Variants in CCSER1 observed in about 807,000 individuals in gnomAD.
CCSER1 encodes the protein coiled-coil serine rich protein 1, also known as serine-rich coiled-coil domain-containing protein 1.
CCSER1 carries 41 observed loss-of-function variants against 82.0 expected under a neutral mutation model. That is an observed-to-expected ratio of 0.50 (90% CI 0.39 to 0.65). The LOEUF (loss-of-function observed/expected upper bound fraction) is 0.65. CCSER1 is among the 30% of genes least tolerant of loss of function. The pLI, the probability that CCSER1 is intolerant of heterozygous loss-of-function variation, is 0.00. For missense variants in CCSER1, 1,119 were observed against 1,064.2 expected, an observed-to-expected ratio of 1.05 and a Z score of -0.72; for synonymous variants, 414 against 383.9, an observed-to-expected ratio of 1.08 and a Z score of -0.92.
intron 4 of CCSER1, among the ~76,000 whole-genome samples, chr4:90,402,213 T>C (rs1485450482): frequency 6.6e-5 from 10 of 152,200 alleles, no homozygotes; most frequent in Admixed American, 6.5e-4. Context: ...CATGATAAAA[T>C]AGGAGGAGTT....
intron 10 of CCSER1, among the ~76,000 whole-genome samples, chr4:91,450,240 G>C (rs147133225): frequency 6.6e-6 from 1 of 151,938 alleles, no homozygotes; most frequent in Non-Finnish European, 1.5e-5. Context: ...CGACGATCAT[G>C]AATTTCTTAG....
rs148181817 is a variant in CCSER1, at chr4:91,507,165, A to G, written c.2218-91407A>G. Among the ~76,000 whole-genome samples the G allele has an allele frequency of 7.1e-3, 1,079 of 152,300 alleles. 10 individuals are homozygous for G. The highest frequency in any genetic ancestry group is 0.012 in the Non-Finnish European group (787 of 68,030). On this transcript the variant is annotated intron_variant, in intron 10 of 10. Coordinates refer to ENST00000509176, the MANE Select transcript of CCSER1 (RefSeq NM_001145065.2). ...TATATGACAGTAGAAATCCATGATC[A>G]CATGGTAACTTTATATTTAACATTC...
chr4:90,310,055 G>A (rs879876180), intron 2 of CCSER1, among the ~76,000 whole-genome samples: 51 of 151,838 alleles, frequency 3.4e-4, no homozygotes, highest in Non-Finnish European at 5.6e-4. Flanking sequence ...AATTTAATAC[G>A]AATTTTATAA....
At chr4:91,267,648 C>G (rs1741707113) in intron 10 of CCSER1, among the ~76,000 whole-genome samples, 1 of 152,132 alleles carries the variant, frequency 6.6e-6, no homozygotes, top group Non-Finnish European at 1.5e-5. Context: ...TGTCAACCTT[C>G]TTTTAGATAA....
chr4:91,052,238 C>T (rs1030639416), intron 9 of CCSER1, among the ~76,000 whole-genome samples: 2 of 151,952 alleles, frequency 1.3e-5, no homozygotes, highest in Non-Finnish European at 2.9e-5. Flanking sequence ...GATTAAAACA[C>T]TTTTTCCATT....
chr4:90,640,769 C>T (rs1305366189), intron 6 of CCSER1, among the ~76,000 whole-genome samples: 1 of 152,114 alleles, frequency 6.6e-6, no homozygotes, highest in East Asian at 1.9e-4. Context: ...TGCACTTCTC[C>T]TTCCTGCCAC....
chr4:91,248,758 T>C (rs1459334813), intron 10 of CCSER1, among the ~76,000 whole-genome samples: 1 of 150,726 alleles, frequency 6.6e-6, no homozygotes, highest in Non-Finnish European at 1.5e-5. Context: ...AAAAAAGATA[T>C]CGACTTTAGT....
At chr4:90,217,900 A>G (rs1025482953) in intron 1 of CCSER1, among the ~76,000 whole-genome samples, 2 of 151,958 alleles carry the variant, frequency 1.3e-5, no homozygotes, top group African/African-American at 4.8e-5. Flanking sequence ...GGCTCAAGAG[A>G]TCCTGCCACC....
chr4:91,255,985 G>A (rs1321242853), intron 10 of CCSER1, among the ~76,000 whole-genome samples: 1 of 152,142 alleles, frequency 6.6e-6, no homozygotes, highest in South Asian at 2.1e-4. Flanking sequence ...AGGGAACAAG[G>A]GAGATAACCA....
intron 10 of CCSER1, among the ~76,000 whole-genome samples, chr4:91,199,433 A>G (rs938094456): frequency 4.6e-5 from 7 of 152,180 alleles, no homozygotes; most frequent in African/African-American, 1.4e-4. Flanking sequence ...TAATTTCAAG[A>G]AAGTGTTAAT....
chr4:90,469,980 G>A (rs554369581), intron 5 of CCSER1, among the ~76,000 whole-genome samples: 1 of 152,244 alleles, frequency 6.6e-6, no homozygotes, highest in East Asian at 1.9e-4. Flanking sequence ...TGATTGTCAA[G>A]TTAACACTCA....
At chr4:91,544,723 T>C (rs1415643229) in intron 10 of CCSER1, among the ~76,000 whole-genome samples, 2 of 152,126 alleles carry the variant, frequency 1.3e-5, no homozygotes, top group African/African-American at 4.8e-5. Context: ...CTGCCCCTAC[T>C]GGGGGGTGCC....
intron 8 of CCSER1, among the ~76,000 whole-genome samples, chr4:90,823,415 G>A (rs916235842): frequency 6.6e-6 from 1 of 151,992 alleles, no homozygotes. Flanking sequence ...TTAAGTTTGT[G>A]ATCTTAAGTC....
chr4:91,181,782 G>A (rs1221355879), intron 10 of CCSER1, among the ~76,000 whole-genome samples: 1 of 152,180 alleles, frequency 6.6e-6, no homozygotes, highest in Non-Finnish European at 1.5e-5. Flanking sequence ...CTGGGTCCAA[G>A]CCTGTTTACA....
chr4:90,146,906 T>A (rs1390176251), intron 1 of CCSER1, among the ~76,000 whole-genome samples: 1 of 152,090 alleles, frequency 6.6e-6, no homozygotes, highest in African/African-American at 2.4e-5. Flanking sequence ...TGATATTCTT[T>A]TAAAAGTAAT....
chr4:90,259,253 G>A (rs573215684), intron 1 of CCSER1, among the ~76,000 whole-genome samples: 2 of 152,112 alleles, frequency 1.3e-5, no homozygotes, highest in Admixed American at 6.5e-5. Flanking sequence ...AAGGGATTGC[G>A]TTCTTGATGT....
intron 5 of CCSER1, among the ~76,000 whole-genome samples, chr4:90,525,432 C>A (rs1413750939): frequency 6.6e-6 from 1 of 152,000 alleles, no homozygotes; most frequent in Non-Finnish European, 1.5e-5. Context: ...TTGATTTTAA[C>A]AATTCTGTAT....
chr4:91,143,871 G>T (rs776949474), intron 10 of CCSER1, among the ~76,000 whole-genome samples: 2 of 151,986 alleles, frequency 1.3e-5, no homozygotes, highest in Non-Finnish European at 2.9e-5. Flanking sequence ...GCTGGGTTTG[G>T]CTTGGCAGTA....
chr4:90,505,887 A>G (rs760190379), intron 5 of CCSER1, among the ~76,000 whole-genome samples: 2 of 152,160 alleles, frequency 1.3e-5, no homozygotes, highest in African/African-American at 2.4e-5. Context: ...ATCCTGCTGA[A>G]TTCCTAATTC....
Sources: allele counts gnomAD v4.1 joint callset (sites outside exome capture counted in the v4.1 genomes callset), GRCh38; gene constraint gnomAD v4.1.1; transcripts MANE v1.5; gene names NCBI Gene and HGNC (gene_info 2026-07-23, HGNC 2026-07-21).